Variants in WIPI2 observed in about 807,000 individuals in gnomAD.
The protein encoded by WIPI2 is WD repeat domain, phosphoinositide interacting 2.
Under a neutral mutation model 52.3 loss-of-function variants are expected in WIPI2, and 28 were observed. That is an observed-to-expected ratio of 0.54 (90% confidence interval 0.40 to 0.73). WIPI2 has a LOEUF of 0.73. Among genes scored for constraint, WIPI2 ranks in the 30% least tolerant of loss-of-function variants. The probability of loss-of-function intolerance (pLI) is 0.00; values close to 1 mark genes in which losing one functional copy is unlikely to be tolerated. For missense variants in WIPI2, 506 were observed against 602.9 expected (o/e 0.84, Z 1.68); for synonymous variants, 268 against 245.0 (o/e 1.09, Z -0.88).
At chr7:5,192,127 G>C (rs1781513409) in intron 1 of WIPI2, among the ~76,000 whole-genome samples, 1 of 152,120 alleles carries the variant, frequency 6.6e-6, no homozygotes, top group South Asian at 2.1e-4. Context: ...AACGTGTAAA[G>C]ATGAAAACTC....
chr7:5,193,492 A>C (rs2115191594), intron 2 of WIPI2: 1 of 469,532 alleles, frequency 2.1e-6, no homozygotes, highest in East Asian at 4.1e-5. Context: ...GTTTTCTTCC[A>C]CCATGTCTCT....
intron 1 of WIPI2, among the ~76,000 whole-genome samples, chr7:5,192,586 G>T (rs775523789): frequency 1.3e-5 from 2 of 152,196 alleles, no homozygotes; most frequent in Admixed American, 6.5e-5. Flanking sequence ...CAGTTCAAGA[G>T]ATTTCTGTTA....
At chr7:5,209,947 G>A (rs1251710259) in intron 3 of WIPI2, among the ~76,000 whole-genome samples, 1 of 151,992 alleles carries the variant, frequency 6.6e-6, no homozygotes, top group Non-Finnish European at 1.5e-5. Context: ...TCGTTGTGCT[G>A]CCCATGCTGG....
In WIPI2 at chr7:5,204,195, G is replaced by T. The variant is rs545235580; in HGVS notation, c.211+4537G>T. Among the ~76,000 whole-genome samples the T allele has an allele frequency of 2.0e-5, 3 of 152,274 alleles. No homozygotes were observed. The South Asian group carries it at 6.2e-4, about 32-fold the overall frequency. ...TTGAAAGTTCATCTGGGCCGGGCGC[G>T]GTGGCTCACGCCTGTTATCCCAACA... On this transcript the variant is annotated intron_variant, in intron 3 of 12. Transcript: ENST00000288828.
chr7:5,193,265 T>C (rs1471571686), intron 2 of WIPI2, 94 bp downstream of exon 2: 2 of 1,574,728 alleles, frequency 1.3e-6, no homozygotes, highest in Non-Finnish European at 1.7e-6. Context: ...AACCAGTTAA[T>C]AAGTGGGAGA....
At chr7:5,215,168 G>A (rs548188510) in intron 4 of WIPI2, among the ~76,000 whole-genome samples, 61 of 152,082 alleles carry the variant, frequency 4.0e-4, no homozygotes, top group Non-Finnish European at 8.7e-4. Flanking sequence ...AAAATTAGCC[G>A]GGCATGGTGG....
intron 2 of WIPI2, among the ~76,000 whole-genome samples, chr7:5,195,968 G>T (rs1238517138): frequency 6.6e-6 from 1 of 152,028 alleles, no homozygotes. Flanking sequence ...GAACCGGGAG[G>T]CTGAGGTTGC....
At chr7:5,219,310 C>T (rs949042501) in intron 7 of WIPI2, among the ~76,000 whole-genome samples, 1 of 152,228 alleles carries the variant, frequency 6.6e-6, no homozygotes, top group Non-Finnish European at 1.5e-5. Context: ...CCCAATAGCA[C>T]CTTGTCCTTT....
intron 11 of WIPI2, 114 bp from the exon 12 acceptor site, chr7:5,229,494 C>CTCCT (rs1453989329): frequency 7.7e-7 from 1 of 1,294,196 alleles, no homozygotes; most frequent in African/African-American, 1.5e-5. Context: ...GAATGCCTGG[C>CTCCT]GTCCTGTGTG....
chr7:5,211,168 T>C (rs1270489119), intron 3 of WIPI2, among the ~76,000 whole-genome samples: 1 of 152,192 alleles, frequency 6.6e-6, no homozygotes, highest in Non-Finnish European at 1.5e-5. Flanking sequence ...ATGTGCATCA[T>C]GTGACTCAAA....
At chr7:5,208,518 T>C (rs1223166095) in intron 3 of WIPI2, among the ~76,000 whole-genome samples, 2 of 152,164 alleles carry the variant, frequency 1.3e-5, no homozygotes, top group Non-Finnish European at 2.9e-5. Flanking sequence ...TCCTATGTGT[T>C]CTGTGAAAGC....
chr7:5,194,350 A>T (rs1781637555), intron 2 of WIPI2, among the ~76,000 whole-genome samples: 1 of 152,224 alleles, frequency 6.6e-6, no homozygotes, highest in Admixed American at 6.5e-5. Flanking sequence ...CACGCAATCA[A>T]GTATGGCTTC....
intron 3 of WIPI2, among the ~76,000 whole-genome samples, chr7:5,207,343 G>A (rs1189297061): frequency 6.6e-6 from 1 of 152,062 alleles, no homozygotes; most frequent in African/African-American, 2.4e-5. Flanking sequence ...TTCCCCAAGA[G>A]GCAACCAGTG....
Position 5,227,998 on chromosome 7 carries a change from A to C in WIPI2, c.1014-106A>C. 9.6e-7 allele frequency: 1 copy of C among 1,040,340 alleles called. No individual in the cohort carries two copies. The highest frequency in any genetic ancestry group is 1.5e-6 in the Non-Finnish European group (1 of 683,632). 64.4% of individuals were successfully genotyped at this position (1,040,340 alleles called of 1,614,324 possible). A position where few individuals can be genotyped will look rare whatever the true frequency, so the allele number is the denominator to read the frequency against. On this transcript the variant is annotated intron_variant, in intron 10 of 12. Coordinates refer to ENST00000288828, the MANE Select transcript of WIPI2 (RefSeq NM_015610.4). The surrounding 1 kb of genome is among the most constrained non-coding windows in gnomAD (Gnocchi z 8.1). ...GACACCTGCAGCTGCCCTTGTGCTC[A>C]TCTTGCTGGGGTCTCTTTCCTCGCC...
intron 9 of WIPI2, chr7:5,226,232 C>A: frequency 2.9e-6 from 1 of 346,752 alleles, no homozygotes; most frequent in Non-Finnish European, 5.4e-6. Flanking sequence ...AGGTTCCCCT[C>A]ACGACAAAAG....
chr7:5,191,229 T>C (rs1781469031), intron 1 of WIPI2, among the ~76,000 whole-genome samples: 1 of 151,802 alleles, frequency 6.6e-6, no homozygotes, highest in African/African-American at 2.4e-5. Context: ...ACCATGTTGG[T>C]CAGGCTGGTC....
intron 3 of WIPI2, among the ~76,000 whole-genome samples, chr7:5,206,944 A>G (rs1285797028): frequency 6.6e-6 from 1 of 151,920 alleles, no homozygotes; most frequent in Non-Finnish European, 1.5e-5. Context: ...TGCTCAGCTA[A>G]TTTTTCGATT....
intron 8 of WIPI2, among the ~76,000 whole-genome samples, chr7:5,223,917 C>T (rs150221356): frequency 2.6e-5 from 4 of 152,380 alleles, no homozygotes; most frequent in East Asian, 1.9e-4. Context: ...TCTCCCGCCA[C>T]GCCACCTGAT....
chr7:5,215,082 G>C (rs998962072), intron 4 of WIPI2, among the ~76,000 whole-genome samples: 14 of 152,312 alleles, frequency 9.2e-5, no homozygotes, highest in Admixed American at 2.0e-4. Context: ...AGGCCGAGGC[G>C]GGCAGATTGC....
Sources: allele counts gnomAD v4.1 joint callset (sites outside exome capture counted in the v4.1 genomes callset), GRCh38; gene constraint gnomAD v4.1.1; non-coding constraint Gnocchi (gnomAD v3.1); transcripts MANE v1.5; gene names NCBI Gene and HGNC (gene_info 2026-07-23, HGNC 2026-07-21).